The following RIMS2 variants were observed in gnomAD, a reference collection of about 807,000 sequenced individuals.
RIMS2 encodes the protein regulating synaptic membrane exocytosis 2, also known as regulating synaptic membrane exocytosis protein 2.
RIMS2 carries 59 observed loss-of-function variants against 174.4 expected under a neutral mutation model. That is an observed-to-expected ratio of 0.34 (90% CI 0.27 to 0.42). The LOEUF (loss-of-function observed/expected upper bound fraction) is 0.42, where lower values mean the gene tolerates loss of function less well. Among genes scored for constraint, RIMS2 ranks in the 10% least tolerant of loss-of-function variants. The pLI, the probability that RIMS2 is intolerant of heterozygous loss-of-function variation, is 1.00. For synonymous variants in RIMS2, 606 were observed against 572.5 expected (o/e 1.06, Z -0.84); for missense variants, 1,620 against 1,666.3 (o/e 0.97, Z 0.48).
chr8:104,216,199 AAT>A (rs1330832525), intron 19 of RIMS2, among the ~76,000 whole-genome samples: 43 of 152,208 alleles, frequency 2.8e-4, no homozygotes, highest in African/African-American at 8.7e-4. Flanking sequence ...GTGATAGCTA[AAT>A]AAAGATTTAC....
intron 4 of RIMS2, among the ~76,000 whole-genome samples, chr8:103,898,805 TG>T (rs1421002098): frequency 5.3e-5 from 8 of 151,540 alleles, no homozygotes; most frequent in African/African-American, 2.0e-4. Context: ...ACATGTGCCA[TG>T]TTGGTGTGCT....
chr8:103,648,135 T>G (rs1349927774), intron 1 of RIMS2, among the ~76,000 whole-genome samples: 2 of 152,082 alleles, frequency 1.3e-5, no homozygotes, highest in Non-Finnish European at 2.9e-5. Context: ...TCTCATTAGT[T>G]TCAAAGAACT....
At chr8:103,946,039 G>A (rs2083663235) in intron 14 of RIMS2, among the ~76,000 whole-genome samples, 1 of 152,150 alleles carries the variant, frequency 6.6e-6, no homozygotes, top group South Asian at 2.1e-4. Flanking sequence ...AGAAGAGAGA[G>A]AAACTGCCTT....
At chr8:103,597,162 T>C (rs2133559992) in intron 1 of RIMS2, among the ~76,000 whole-genome samples, 1 of 152,294 alleles carries the variant, frequency 6.6e-6, no homozygotes, top group East Asian at 1.9e-4. Context: ...ATCAAATTTA[T>C]TGGTAGAAAA....
At chr8:103,615,495 C>T (rs781671978) in intron 1 of RIMS2, among the ~76,000 whole-genome samples, 10 of 151,830 alleles carry the variant, frequency 6.6e-5, no homozygotes, top group Non-Finnish European at 1.0e-4. Context: ...AAATCAACAC[C>T]AAAGCTAGCA....
At chr8:103,592,266 T>C (rs2094298945) in intron 1 of RIMS2, among the ~76,000 whole-genome samples, 1 of 151,260 alleles carries the variant, frequency 6.6e-6, no homozygotes, top group African/African-American at 2.4e-5. Flanking sequence ...ACAACCATTA[T>C]CCTATGACAG....
chr8:103,891,077 A>G (rs1317215439), intron 4 of RIMS2, among the ~76,000 whole-genome samples: 1 of 151,532 alleles, frequency 6.6e-6, no homozygotes, highest in Non-Finnish European at 1.5e-5. Flanking sequence ...ACCATCTCCA[A>G]CTCTCGTCCT....
At chr8:103,955,439 G>A (rs2086831133) in intron 14 of RIMS2, among the ~76,000 whole-genome samples, 1 of 152,114 alleles carries the variant, frequency 6.6e-6, no homozygotes, top group Non-Finnish European at 1.5e-5. Context: ...TTCAAGGCTG[G>A]TTCAACATAC....
At chr8:103,801,251 T>G (rs1396530705) in intron 3 of RIMS2, among the ~76,000 whole-genome samples, 3 of 152,206 alleles carry the variant, frequency 2.0e-5, no homozygotes, top group Non-Finnish European at 4.4e-5. Context: ...CCTCCCAAAG[T>G]GCTGGGATTA....
At chr8:103,809,167 A>T (rs2098670238) in intron 3 of RIMS2, among the ~76,000 whole-genome samples, 1 of 151,496 alleles carries the variant, frequency 6.6e-6, no homozygotes, top group South Asian at 2.1e-4. Context: ...TGATCTTTGT[A>T]CATCTTTATA....
At chr8:103,563,462 A>C (rs1039208016) in intron 1 of RIMS2, among the ~76,000 whole-genome samples, 7 of 152,090 alleles carry the variant, frequency 4.6e-5, no homozygotes, top group Admixed American at 1.3e-4. Context: ...ATTCCCAACA[A>C]ATTCCTTATA....
chr8:103,580,563 C>G lies in RIMS2; in HGVS notation c.176+79501C>G, dbSNP rs142780967. ...GGAGCTCCCTAGTACATAAAGCAAA[C>G]ATTAATAAATCTAATGGGAGAGATA... On this transcript the variant is annotated intron_variant, in intron 1 of 23. Coordinates refer to ENST00000504942, the Ensembl canonical transcript of RIMS2. 1.9e-3 allele frequency among the ~76,000 whole-genome samples: 292 copies of G among 152,046 alleles called. 2 individuals are homozygous for G. Among genetic ancestry groups the G allele is most frequent in the African/African-American group, 6.8e-3 (281 of 41,474 alleles).
intron 19 of RIMS2, among the ~76,000 whole-genome samples, chr8:104,102,983 A>G (rs956277476): frequency 2.0e-5 from 3 of 152,224 alleles, no homozygotes; most frequent in Non-Finnish European, 4.4e-5. Context: ...CATCAGAGAA[A>G]AAGATCTCTG....
At chr8:104,146,245 T>A (rs1000673759) in intron 19 of RIMS2, among the ~76,000 whole-genome samples, 7 of 143,762 alleles carry the variant, frequency 4.9e-5, no homozygotes, top group Non-Finnish European at 1.1e-4. Flanking sequence ...TGTGCTGGCA[T>A]GCACTGTAGT....
At chr8:103,523,066 C>G (rs556497758) in intron 1 of RIMS2, among the ~76,000 whole-genome samples, 1 of 151,676 alleles carries the variant, frequency 6.6e-6, no homozygotes, top group East Asian at 1.9e-4. Flanking sequence ...TTGCTGTGGC[C>G]AGGAATGATG....
chr8:104,094,645 C>T, intron 19 of RIMS2: 1 of 701,840 alleles, frequency 1.4e-6, no homozygotes, highest in Middle Eastern at 2.3e-4. Flanking sequence ...GAGGAAAAAA[C>T]ACAAGATATA....
At chr8:104,099,426 T>C (rs1216424423) in intron 19 of RIMS2, among the ~76,000 whole-genome samples, 1 of 152,170 alleles carries the variant, frequency 6.6e-6, no homozygotes, top group African/African-American at 2.4e-5. Context: ...AATGAAAACC[T>C]TATAAGCCCA....
At chr8:104,209,642 A>G (rs1228118784) in intron 19 of RIMS2, among the ~76,000 whole-genome samples, 1 of 152,166 alleles carries the variant, frequency 6.6e-6, no homozygotes, top group Admixed American at 6.5e-5. Context: ...TATGAGCTTT[A>G]GGGGGCAAGG....
chr8:103,594,516 G>C (rs550687281), intron 1 of RIMS2, among the ~76,000 whole-genome samples: 1 of 151,802 alleles, frequency 6.6e-6, no homozygotes, highest in East Asian at 1.9e-4. Context: ...ATCAGAGGCT[G>C]TTAGGAAGCT....
Sources: gnomAD v4.1 joint callset for allele counts (sites outside exome capture counted in the v4.1 genomes callset) on GRCh38, gnomAD v4.1.1 for gene constraint, MANE v1.5 for transcripts, NCBI Gene and HGNC (gene_info 2026-07-23, HGNC 2026-07-21) for gene names.